Variants in CA2 observed in about 807,000 individuals in gnomAD.
CA2 encodes carbonate dehydratase II.
Under a neutral mutation model 27.8 loss-of-function variants are expected in CA2, and 23 were observed. The observed-to-expected ratio is 0.83, with a 90% CI of 0.59 to 1.17. The LOEUF is 1.17. Ranked by LOEUF, CA2 falls within the 50% of genes most tolerant of loss-of-function variation. The probability of loss-of-function intolerance (pLI) is 0.00; values close to 1 mark genes in which losing one functional copy is unlikely to be tolerated. For synonymous variants in CA2, 99 were observed against 114.9 expected, an observed-to-expected ratio of 0.86 and a Z score of 0.88; for missense variants, 300 against 314.7, an observed-to-expected ratio of 0.95 and a Z score of 0.35.
At chr8:85,469,670 A>G (rs1047894820) in intron 2 of CA2, among the ~76,000 whole-genome samples, 2 of 152,216 alleles carry the variant, frequency 1.3e-5, no homozygotes, top group African/African-American at 4.8e-5. Context: ...ACTTTTATTA[A>G]TGAGTTTAAT....
rs145601929 is a variant in CA2 at position 85,475,343 on chromosome 8, G to A, written c.445-455G>A. Among the ~76,000 whole-genome samples, 32 of 115,592 alleles carry A rather than the reference G, an allele frequency of 2.8e-4. 1 individual carries two copies. Among genetic ancestry groups the A allele is most frequent in the African/African-American group, 1.0e-3 (31 of 29,662 alleles). 75.8% of individuals were successfully genotyped at this position (115,592 alleles called of 152,430 possible). A position where few individuals can be genotyped will look rare whatever the true frequency, so the allele number is the denominator to read the frequency against. Reference sequence around the variant, plus strand: ...CTATGATCATGCCACTGCACTACAAGCTGGATGACAGAGCAAGACTCTGAC... The same window carrying A: ...CTATGATCATGCCACTGCACTACAAACTGGATGACAGAGCAAGACTCTGAC... On this transcript the variant is annotated intron_variant, in intron 4 of 6. Transcript: ENST00000285379.
At position 85,464,139 on chromosome 8, in the gene CA2, CG is replaced by C. The variant is rs112719994; in HGVS notation, c.34+29del. The C allele has an allele frequency of 2.0e-5, 30 of 1,531,814 alleles. No homozygotes were observed. In the African/African-American group the frequency reaches 2.7e-4, roughly 14 times the overall value. 94.9% of individuals were successfully genotyped at this position (1,531,814 alleles called of 1,614,324 possible). A position where few individuals can be genotyped will look rare whatever the true frequency, so the allele number is the denominator to read the frequency against. ...CGGTGAGTGCCGGCGACGGCCAGCG[CG>C]GGGGCGCCCCGATCCCCGATCCCCG... On this transcript the variant is annotated intron_variant, in intron 1 of 6. Transcript: ENST00000285379.
intron 5 of CA2, among the ~76,000 whole-genome samples, chr8:85,476,264 C>T (rs1811797358): frequency 6.6e-6 from 1 of 152,202 alleles, no homozygotes; most frequent in Admixed American, 6.5e-5. Context: ...AAACAAGGCC[C>T]TGTTTCATGG....
At chr8:85,474,620 T>C in intron 4 of CA2, 1 of 588,232 alleles carries the variant, frequency 1.7e-6, no homozygotes, top group South Asian at 2.0e-5. Context: ...GGTACTTATT[T>C]GGTACCTTTT....
At chr8:85,478,460 A>G (rs927687065) in intron 6 of CA2, among the ~76,000 whole-genome samples, 3 of 152,242 alleles carry the variant, frequency 2.0e-5, no homozygotes, top group African/African-American at 4.8e-5. Flanking sequence ...CAGTGTTTAC[A>G]TTATAATTTA....
At position 85,481,010 on chromosome 8, in the gene CA2, G is replaced by A; in HGVS notation, c.*221G>A. The A allele has an allele frequency of 1.9e-6, 1 of 538,580 alleles. No individual in the cohort carries two copies. The highest frequency in any genetic ancestry group is 2.0e-5 in the South Asian group (1 of 49,096). 33.4% of individuals were successfully genotyped at this position (538,580 alleles called of 1,614,324 possible). On this transcript the variant is annotated 3_prime_UTR_variant, in exon 7 of 7. Transcript: ENST00000285379. The stretch of plus-strand genomic sequence containing the variant: ...GGTTGGTGCTTTGTTTATGGTAGTA[G>A]TTTTTCTGTAACACAGAATATAGGA...
intron 2 of CA2, among the ~76,000 whole-genome samples, chr8:85,472,495 T>C (rs1811725888): frequency 1.3e-5 from 2 of 152,176 alleles, no homozygotes; most frequent in South Asian, 4.1e-4. Context: ...TGGATGTGAT[T>C]TTTGTTACTG....
At chr8:85,464,401 C>A (rs1057337952) in intron 1 of CA2, 1 of 412,116 alleles carries the variant, frequency 2.4e-6, no homozygotes, top group Non-Finnish European at 4.3e-6. Flanking sequence ...GCCCTGGCCG[C>A]GGGACCCGAG....
chr8:85,481,151 C>T lies in CA2; in HGVS notation c.*362C>T, dbSNP rs770102468. On this transcript the variant is annotated 3_prime_UTR_variant, in exon 7 of 7. Transcript: ENST00000285379. ...CATAGGAAAGTAGAATGGTTGAGTG[C>T]AAATCCATAGCACAAGATAAATTGA... 7.8e-5 allele frequency: 20 copies of T among 256,266 alleles called. No homozygotes were observed. The highest frequency in any genetic ancestry group is 2.0e-4 in the Admixed American group (4 of 20,104). The allele number at this position is 256,266 out of a possible 1,614,324, so 15.9% of individuals were successfully genotyped here.
chr8:85,473,007 TAATAATA>T (rs1176279083), intron 2 of CA2, among the ~76,000 whole-genome samples: 11 of 68,224 alleles, frequency 1.6e-4, no homozygotes, highest in Non-Finnish European at 2.7e-4. Context: ...ATAATAATAA[TAATAATA>T]AATAAATAAA....
At chr8:85,477,417 C>G in intron 6 of CA2, 142 bp downstream of exon 6, 2 of 938,424 alleles carry the variant, frequency 2.1e-6, no homozygotes, top group Non-Finnish European at 3.5e-6. Flanking sequence ...TTGATGGTGC[C>G]TAGCAAATAA....
rs755204118 is a variant in CA2 at position 85,465,336 on chromosome 8, C to T, written c.99C>T (p.Ile33=). The T allele has an allele frequency of 6.2e-6, 10 of 1,614,012 alleles. No homozygotes were observed. The highest frequency in any genetic ancestry group is 8.5e-6 in the Non-Finnish European group (10 of 1,179,992). ...GAGAGCGCCAGTCCCCTGTTGACATCGACACTCATACAGCCAAGTATGACC... is the reference window on the plus strand; with the variant it reads ...GAGAGCGCCAGTCCCCTGTTGACATTGACACTCATACAGCCAAGTATGACC... ...AKGERQSPVD[I]DTHTAKYDPS... The change falls in exon 2 of 7, where the codon ATC becomes ATT. Residue 33 remains isoleucine, a synonymous_variant. Coordinates refer to ENST00000285379, the MANE Select transcript of CA2 (RefSeq NM_000067.3).
At chr8:85,469,713 A>G (rs1267871978) in intron 2 of CA2, among the ~76,000 whole-genome samples, 1 of 152,216 alleles carries the variant, frequency 6.6e-6, no homozygotes, top group Non-Finnish European at 1.5e-5. Context: ...TTAGGGACAA[A>G]TATTGAAAGT....
At position 85,473,855 on chromosome 8, in the gene CA2, A is replaced by G; in HGVS notation, c.351+44A>G. 4 of 1,060,646 alleles carry G rather than the reference A, an allele frequency of 3.8e-6. No homozygotes were observed. In the South Asian group the frequency reaches 5.0e-5, roughly 13 times the overall value. 65.7% of individuals were successfully genotyped at this position (1,060,646 alleles called of 1,614,324 possible). Reference sequence around the variant, plus strand: ...TTTCTTTCCAGGGAAAAATGTTTATAAGTTGATATTTAGCATTAATTTCAA... The same window carrying G: ...TTTCTTTCCAGGGAAAAATGTTTATGAGTTGATATTTAGCATTAATTTCAA... On this transcript the variant is annotated intron_variant, in intron 3 of 6. Transcript: ENST00000285379.
chr8:85,478,761 C>T (rs1207938694), intron 6 of CA2, among the ~76,000 whole-genome samples: 1 of 152,192 alleles, frequency 6.6e-6, no homozygotes, highest in African/African-American at 2.4e-5. Flanking sequence ...AAGGATCATG[C>T]TCAGCTCAGG....
rs1347483083 is a variant in CA2, at chr8:85,481,167, G to C, written c.*378G>C. On this transcript the variant is annotated 3_prime_UTR_variant, in exon 7 of 7. Coordinates refer to ENST00000285379, the MANE Select transcript of CA2 (RefSeq NM_000067.3). ...GGTTGAGTGCAAATCCATAGCACAA[G>C]ATAAATTGAGCTAGTTAAGGCAAAT... The C allele has an allele frequency of 4.7e-6, 1 of 212,644 alleles. No homozygotes were observed. Among genetic ancestry groups the C allele is most frequent in the East Asian group, 1.1e-4 (1 of 9,268 alleles). The allele number at this position is 212,644 out of a possible 1,614,324, so 13.2% of individuals were successfully genotyped here. A position where few individuals can be genotyped will look rare whatever the true frequency, so the allele number is the denominator to read the frequency against.
chr8:85,464,207 G>A, intron 1 of CA2, 92 bp downstream of exon 1: 1 of 1,224,306 alleles, frequency 8.2e-7, no homozygotes, highest in East Asian at 2.8e-5. Flanking sequence ...GGGGCCCGCA[G>A]CGCCCGCACA....
Position 85,465,316 on chromosome 8 carries a change from C to G in CA2, c.79C>G (p.Arg27Gly), listed in dbSNP as rs1380072010. Residue 27 changes from arginine (R) to glycine (G), a missense_variant, in exon 2 of 7, where the codon CGC (arginine) becomes GGC (glycine). Around this residue, in one of 3 missense-constraint regions of CA2, gnomAD observed 122 missense variants for 133.2 expected, o/e 0.92. Coordinates refer to ENST00000285379, the MANE Select transcript of CA2 (RefSeq NM_000067.3). ...GGACTTCCCCATTGCCAAGGGAGAG[C>G]GCCAGTCCCCTGTTGACATCGACAC... ...HKDFPIAKGERQSPVDIDTHT... is the reference protein window; with the variant it reads ...HKDFPIAKGEGQSPVDIDTHT... The G allele has an allele frequency of 6.2e-7, 1 of 1,614,110 alleles. No homozygotes were observed. Among genetic ancestry groups the G allele is most frequent in the Non-Finnish European group, 8.5e-7 (1 of 1,179,986 alleles).
chr8:85,464,176 C>G, intron 1 of CA2, 61 bp downstream of exon 1: 2 of 1,464,600 alleles, frequency 1.4e-6, no homozygotes, highest in Non-Finnish European at 1.8e-6. Flanking sequence ...ATCCCCGATC[C>G]CCGAGCCCGG....
Sources: gnomAD v4.1 joint callset for allele counts (sites outside exome capture counted in the v4.1 genomes callset) on GRCh38, gnomAD v4.1.1 for gene constraint, gnomAD v4.1.1 regional missense constraint, MANE v1.5 for transcripts, NCBI Gene and HGNC (gene_info 2026-07-23, HGNC 2026-07-21) for gene names.